Variants in MNS1 observed in about 807,000 individuals in gnomAD.
The protein encoded by MNS1 is meiosis-specific nuclear structural protein 1.
In MNS1, 63 loss-of-function variants were observed where a neutral mutation model predicts 72.0. That is an observed-to-expected ratio of 0.87 (90% confidence interval 0.71 to 1.08). The LOEUF (loss-of-function observed/expected upper bound fraction) is 1.08, where lower values mean the gene tolerates loss of function less well. Among genes scored for constraint, MNS1 ranks in the 50% least tolerant of loss-of-function variants. The probability of loss-of-function intolerance (pLI) is 0.00; values close to 1 mark genes in which losing one functional copy is unlikely to be tolerated. For synonymous variants in MNS1, 188 were observed against 172.1 expected (o/e 1.09, Z -0.72); for missense variants, 604 against 562.4 (o/e 1.07, Z -0.75).
Position 56,464,163 on chromosome 15 carries a change from C to T in MNS1, c.88G>A (p.Ala30Thr). The change falls in exon 2 of 10, where the codon GCT (alanine) becomes ACT (threonine). Residue 30 changes from alanine to threonine, a missense_variant. Coordinates refer to ENST00000260453, the MANE Select transcript of MNS1 (RefSeq NM_018365.4). ...ENYCKKLHVQ[A>T]LKNVNSQIRN... is the part of the protein sequence containing the mutation. ...ATTTGACTGTTGACGTTTTTTAGAG[C>T]TTGGACATGTAATTTTTTGCAGTAG... The T allele has an allele frequency of 6.2e-7, 1 of 1,613,902 alleles. No homozygotes were observed. The highest frequency in any genetic ancestry group is 8.5e-7 in the Non-Finnish European group (1 of 1,179,970).
intron 3 of MNS1, among the ~76,000 whole-genome samples, chr15:56,453,093 C>G (rs2050958821): frequency 6.6e-6 from 1 of 152,004 alleles, no homozygotes; most frequent in Non-Finnish European, 1.5e-5. Context: ...TTCTTTGTTT[C>G]CAGGTGAATA....
intron 3 of MNS1, among the ~76,000 whole-genome samples, chr15:56,450,293 T>C (rs896970764): frequency 2.6e-5 from 4 of 151,898 alleles, no homozygotes; most frequent in Non-Finnish European, 5.9e-5. Flanking sequence ...ATCCTAACCA[T>C]TTTTAAATGT....
rs148875412 is a variant in MNS1 at position 56,436,172 on chromosome 15, C to T, written c.1012-1777G>A. 4.3e-3 allele frequency among the ~76,000 whole-genome samples: 647 copies of T among 152,192 alleles called. 3 individuals carry two copies. Among genetic ancestry groups the T allele is most frequent in the African/African-American group, 0.014 (571 of 41,544 alleles). On this transcript the variant is annotated intron_variant, in intron 7 of 9. Transcript: ENST00000260453. The stretch of plus-strand genomic sequence containing the variant: ...ATATACATTCTTCTCAGCACCACAC[C>T]GCACTTATTCCAAAGTTGACCACAT...
intron 3 of MNS1, among the ~76,000 whole-genome samples, chr15:56,451,529 A>C (rs2050946876): frequency 6.6e-6 from 1 of 152,158 alleles, no homozygotes; most frequent in African/African-American, 2.4e-5. Flanking sequence ...GAGAGACAGG[A>C]GCTGGGAGCT....
intron 3 of MNS1, among the ~76,000 whole-genome samples, chr15:56,452,514 CT>C (rs1345621848): frequency 1.5e-5 from 2 of 137,146 alleles, no homozygotes; most frequent in Non-Finnish European, 3.2e-5. Flanking sequence ...GTTTTGTTTT[CT>C]TTTTTTCTTT....
At chr15:56,457,698 T>C (rs1208573435) in intron 2 of MNS1, among the ~76,000 whole-genome samples, 1 of 151,828 alleles carries the variant, frequency 6.6e-6, no homozygotes, top group Non-Finnish European at 1.5e-5. Flanking sequence ...TCTGTAGTTC[T>C]AGCTGTATCA....
rs2050469858 is a variant in MNS1, at chr15:56,429,049, A to T, written c.*52T>A. 1.7e-6 allele frequency: 2 copies of T among 1,163,346 alleles called. No homozygotes were observed. The highest frequency in any genetic ancestry group is 3.2e-5 in the African/African-American group (2 of 63,184). 72.1% of individuals were successfully genotyped at this position (1,163,346 alleles called of 1,614,324 possible). On this transcript the variant is annotated 3_prime_UTR_variant, in exon 10 of 10. Transcript: ENST00000260453. Reference sequence around the variant, plus strand: ...GAACTGTAAAACAAAAGTTATGCTGACATCTAGTGGTAACATGCAAAAAAT... The same window carrying T: ...GAACTGTAAAACAAAAGTTATGCTGTCATCTAGTGGTAACATGCAAAAAAT...
intron 4 of MNS1, among the ~76,000 whole-genome samples, 157 bp downstream of exon 4, chr15:56,446,684 G>A (rs1411491916): frequency 1.3e-5 from 2 of 151,842 alleles, no homozygotes; most frequent in South Asian, 4.2e-4. Flanking sequence ...ATGAAATCAC[G>A]CAGGATTTTC....
intron 8 of MNS1, among the ~76,000 whole-genome samples, chr15:56,431,793 C>T (rs1185672995): frequency 3.3e-5 from 5 of 151,848 alleles, no homozygotes; most frequent in South Asian, 4.1e-4. Flanking sequence ...CTGCCTAATA[C>T]AGTAAATATT....
chr15:56,460,008 A>T, intron 2 of MNS1, among the ~76,000 whole-genome samples: 1 of 55,800 alleles, frequency 1.8e-5, no homozygotes, highest in Admixed American at 2.3e-4. Flanking sequence ...AAAAAAAAAA[A>T]AATACATATA....
rs140663344 is a variant in MNS1, at chr15:56,462,311, C to T, written c.225+1715G>A. On this transcript the variant is annotated intron_variant, in intron 2 of 9. Transcript: ENST00000260453. ...GATGAAAGTTTGATGGGAACCTTTA[C>T]AGTGGAGAAACCAGACTGTCTTCCT... 5.2e-3 allele frequency among the ~76,000 whole-genome samples: 793 copies of T among 152,280 alleles called. 27 individuals are homozygous for T. Among genetic ancestry groups the T allele is most frequent in the Admixed American group, 0.046 (703 of 15,304 alleles).
intron 7 of MNS1, among the ~76,000 whole-genome samples, chr15:56,440,216 A>C (rs1428511008): frequency 1.3e-5 from 2 of 152,196 alleles, no homozygotes; most frequent in African/African-American, 4.8e-5. Context: ...TAAAACTACA[A>C]GGTATCACTA....
intron 6 of MNS1, 30 bp downstream of exon 6, chr15:56,443,608 C>T (rs774223626): frequency 1.6e-5 from 26 of 1,593,982 alleles, no homozygotes; most frequent in Non-Finnish European, 2.1e-5. Flanking sequence ...CAGAATTTTA[C>T]TAGTGTTAAA....
rs1468089301 is a variant in MNS1, at chr15:56,431,637, A to C, written c.1270-139T>G. The C allele has an allele frequency of 6.7e-6, 4 of 595,434 alleles. No individual in the cohort carries two copies. The Admixed American group carries it at 1.2e-4, about 17-fold the overall frequency. The allele number at this position is 595,434 out of a possible 1,614,324, so 36.9% of individuals were successfully genotyped here. On this transcript the variant is annotated intron_variant, in intron 8 of 9. Transcript: ENST00000260453. ...CTAAGTTCAAAAGATTCTAGATAAT[A>C]TATATTTTTAAAATATATATTTTAT...
chr15:56,455,982 A>C (rs2050979267), intron 3 of MNS1, among the ~76,000 whole-genome samples: 1 of 152,216 alleles, frequency 6.6e-6, no homozygotes, highest in Non-Finnish European at 1.5e-5. Flanking sequence ...TTTAACATTA[A>C]GACTAAAGTT....
intron 7 of MNS1, among the ~76,000 whole-genome samples, chr15:56,435,904 T>C (rs1332512741): frequency 6.6e-6 from 1 of 151,930 alleles, no homozygotes; most frequent in African/African-American, 2.4e-5. Context: ...CTTAACCCAA[T>C]ATTAGAAAAA....
chr15:56,440,839 C>G (rs1050588422), intron 7 of MNS1, among the ~76,000 whole-genome samples: 1 of 152,060 alleles, frequency 6.6e-6, no homozygotes, highest in African/African-American at 2.4e-5. Flanking sequence ...AGCTGAATAA[C>G]ATTTTATTAC....
chr15:56,434,211 A>G lies in MNS1; in HGVS notation c.1196T>C (p.Met399Thr). The change falls in exon 8 of 10, where the codon ATG becomes ACG. Residue 399 changes from methionine (M) to threonine (T), a missense_variant. Coordinates refer to ENST00000260453, the MANE Select transcript of MNS1 (RefSeq NM_018365.4). ...AGCCCTCCTGTGTTCCAGCTGCTTCATTCTTTGTTTCTGAGCATTCATTAA... is the reference window on the plus strand; with the variant it reads ...AGCCCTCCTGTGTTCCAGCTGCTTCGTTCTTTGTTTCTGAGCATTCATTAA... ...IELMNAQKQR[M>T]KQLEHRRAVE... The G allele has an allele frequency of 6.2e-7, 1 of 1,613,912 alleles. No individual in the cohort carries two copies. Among genetic ancestry groups the G allele is most frequent in the South Asian group, 1.1e-5 (1 of 91,064 alleles).
intron 3 of MNS1, among the ~76,000 whole-genome samples, chr15:56,448,987 T>C (rs2050928398): frequency 6.6e-6 from 1 of 152,142 alleles, no homozygotes; most frequent in Admixed American, 6.5e-5. Context: ...ACTCCTGACC[T>C]CAGGTGATCC....
Sources: allele counts gnomAD v4.1 joint callset (sites outside exome capture counted in the v4.1 genomes callset), GRCh38; gene constraint gnomAD v4.1.1; transcripts MANE v1.5; gene names NCBI Gene and HGNC (gene_info 2026-07-23, HGNC 2026-07-21).